Variants in MBD5 observed in about 807,000 individuals in gnomAD.
MBD5 encodes methyl-CpG-binding domain protein 5.
A neutral mutation model predicts 117.3 loss-of-function variants in MBD5; 13 were observed. The ratio of observed to expected loss-of-function variants is 0.11; its 90% CI spans 0.07 to 0.18. MBD5 has a LOEUF of 0.18. Among genes scored for constraint, MBD5 ranks in the 10% least tolerant of loss-of-function variants. MBD5 has a pLI of 1.00. For missense variants in MBD5, 1,879 were observed against 2,093.8 expected (o/e 0.90, Z 2.00); for synonymous variants, 727 against 766.4 (o/e 0.95, Z 0.85).
At chr2:148,482,250 T>C (rs1400120790) in intron 8 of MBD5, among the ~76,000 whole-genome samples, 1 of 152,066 alleles carries the variant, frequency 6.6e-6, no homozygotes, top group African/African-American at 2.4e-5. Context: ...GGCAAAGAAG[T>C]GTTAATAAGA....
chr2:148,065,734 T>C (rs1695170621), intron 1 of MBD5, among the ~76,000 whole-genome samples: 1 of 152,222 alleles, frequency 6.6e-6, no homozygotes, highest in Admixed American at 6.5e-5. Context: ...TGAAGTTTGA[T>C]ATTCTGTGAA....
chr2:148,302,156 C>G (rs1013749605), intron 3 of MBD5, among the ~76,000 whole-genome samples: 1 of 152,034 alleles, frequency 6.6e-6, no homozygotes, highest in African/African-American at 2.4e-5. Flanking sequence ...TTATAAATGG[C>G]AGATATTATG....
Position 148,483,348 on chromosome 2 carries a change from C to T in MBD5, c.2757C>T (p.Leu919=), listed in dbSNP as rs1559094961. The T allele has an allele frequency of 6.2e-7, 1 of 1,613,978 alleles. No individual in the cohort carries two copies. Among genetic ancestry groups the T allele is most frequent in the African/African-American group, 1.3e-5 (1 of 74,932 alleles). ...CACACCCCTTGAACCCCAGCCTCCT[C>T]AGTTCTCTACCTATCTCTTTGCCAG... ...HLPHPLNPSL[L]SSLPISLPVN... is the part of the protein sequence containing the mutation. Residue 919 remains leucine (L), a synonymous_variant, in exon 9 of 14, where the codon CTC becomes CTT. Coordinates refer to ENST00000642680, the MANE Select transcript of MBD5 (RefSeq NM_001378120.1).
At chr2:148,508,476 G>C (rs1234585816) in intron 12 of MBD5, among the ~76,000 whole-genome samples, 1 of 151,852 alleles carries the variant, frequency 6.6e-6, no homozygotes, top group Non-Finnish European at 1.5e-5. Context: ...GAGGGGGGAA[G>C]GTGAGGGAAA....
intron 4 of MBD5, among the ~76,000 whole-genome samples, chr2:148,445,873 C>T (rs1706491084): frequency 6.6e-6 from 1 of 151,402 alleles, no homozygotes; most frequent in Admixed American, 6.6e-5. Context: ...ATTTGCATTT[C>T]TCTAATGGCC....
chr2:148,335,231 A>G (rs972897326), intron 3 of MBD5, among the ~76,000 whole-genome samples: 1 of 152,032 alleles, frequency 6.6e-6, no homozygotes, highest in Non-Finnish European at 1.5e-5. Context: ...CTCTACAAAA[A>G]TTATCCAGGT....
chr2:148,304,344 G>A (rs1701841453), intron 3 of MBD5, among the ~76,000 whole-genome samples: 1 of 152,062 alleles, frequency 6.6e-6, no homozygotes, highest in African/African-American at 2.4e-5. Flanking sequence ...AAGTACCTGA[G>A]CCAAAATTTA....
At chr2:148,258,899 C>G (rs1202982080) in intron 3 of MBD5, among the ~76,000 whole-genome samples, 1 of 152,154 alleles carries the variant, frequency 6.6e-6, no homozygotes, top group Non-Finnish European at 1.5e-5. Flanking sequence ...TTCTGCTTCC[C>G]TGAGAGCCGC....
intron 8 of MBD5, among the ~76,000 whole-genome samples, chr2:148,478,248 A>G (rs1681033982): frequency 6.6e-6 from 1 of 152,240 alleles, no homozygotes; most frequent in Admixed American, 6.5e-5. Flanking sequence ...GCATATACAT[A>G]TATCATGAAT....
intron 5 of MBD5, among the ~76,000 whole-genome samples, chr2:148,461,984 G>A (rs764777981): frequency 6.6e-6 from 1 of 152,010 alleles, no homozygotes; most frequent in Non-Finnish European, 1.5e-5. Context: ...TGTACAGTTT[G>A]ACTCTTCAGT....
chr2:148,146,368 CT>C (rs1467205030), intron 1 of MBD5, among the ~76,000 whole-genome samples: 1 of 151,962 alleles, frequency 6.6e-6, no homozygotes, highest in Non-Finnish European at 1.5e-5. Flanking sequence ...AAGTGATCCT[CT>C]CTATAGGTGT....
rs529246999 is a variant in MBD5, at chr2:148,176,011, A to G, written c.-924-2689A>G. 3.9e-5 allele frequency among the ~76,000 whole-genome samples: 6 copies of G among 152,308 alleles called. No homozygotes were observed. The East Asian group carries it at 9.6e-4, about 24-fold the overall frequency. ...GTATTTTTAATCATTAAAGATTAATATGATTGAATTCTTTTGTGATGTAGA... is the reference window on the plus strand; with the variant it reads ...GTATTTTTAATCATTAAAGATTAATGTGATTGAATTCTTTTGTGATGTAGA... On this transcript the variant is annotated intron_variant, in intron 1 of 13. Transcript: ENST00000642680.
At position 148,468,753 on chromosome 2, in the gene MBD5, G is replaced by A; in HGVS notation, c.810G>A (p.Arg270=). ...ATTCTAGTCCTATTCACCTGAATAG[G>A]ACTCCTCTTTCTCCACCTTCAGTAA... is the stretch of plus-strand genomic sequence containing the variant. ...APNSSPIHLN[R]TPLSPPSVML... The change falls in exon 8 of 14, where the codon AGG becomes AGA. Residue 270 remains arginine, a synonymous_variant. Transcript: ENST00000642680. The A allele has an allele frequency of 6.2e-7, 1 of 1,613,892 alleles. No individual in the cohort carries two copies. Among genetic ancestry groups the A allele is most frequent in the Non-Finnish European group, 8.5e-7 (1 of 1,179,914 alleles).
At chr2:148,099,056 A>G (rs576413085) in intron 1 of MBD5, among the ~76,000 whole-genome samples, 2 of 152,264 alleles carry the variant, frequency 1.3e-5, no homozygotes, top group East Asian at 3.9e-4. Flanking sequence ...CCTCATCTCA[A>G]AAAGTAAAAA....
At chr2:148,444,469 C>T (rs1387998579) in intron 4 of MBD5, among the ~76,000 whole-genome samples, 1 of 151,272 alleles carries the variant, frequency 6.6e-6, no homozygotes, top group Non-Finnish European at 1.5e-5. Flanking sequence ...CATCACTTAT[C>T]ACATCTCAAG....
rs1553520655 is a variant in MBD5, at chr2:148,490,432, A to G, written c.4800A>G (p.Pro1600=). The change falls in exon 11 of 14, where the codon CCA becomes CCG. Residue 1600 remains proline, a synonymous_variant. Transcript: ENST00000642680. ...GTAGTGAAGATGACCTAAGGAACCC[A>G]GACTCCCCCTCTTCAAATGAATTGA... ...SISSEDDLRN[P]DSPSSNELIH... 1 of 1,614,230 alleles carries G rather than the reference A, an allele frequency of 6.2e-7. No homozygotes were observed. Among genetic ancestry groups the G allele is most frequent in the Admixed American group, 1.7e-5 (1 of 60,032 alleles).
intron 3 of MBD5, among the ~76,000 whole-genome samples, chr2:148,245,760 A>C (rs1323204243): frequency 1.3e-5 from 2 of 152,168 alleles, no homozygotes; most frequent in Non-Finnish European, 2.9e-5. Context: ...CCTTATAGCT[A>C]AGTTTATGGT....
chr2:148,296,927 T>G (rs1263005705), intron 3 of MBD5, among the ~76,000 whole-genome samples: 1 of 130,948 alleles, frequency 7.6e-6, no homozygotes, highest in African/African-American at 2.8e-5. Flanking sequence ...TACTGGAGAG[T>G]ACAGTGGCAC....
chr2:148,422,145 C>A (rs753436668), intron 4 of MBD5, among the ~76,000 whole-genome samples: 4 of 152,176 alleles, frequency 2.6e-5, no homozygotes, highest in South Asian at 2.1e-4. Flanking sequence ...TGGGAGACAC[C>A]TTTCAGTAGG....
Sources: allele counts gnomAD v4.1 joint callset (sites outside exome capture counted in the v4.1 genomes callset), GRCh38; gene constraint gnomAD v4.1.1; transcripts MANE v1.5; gene names NCBI Gene and HGNC (gene_info 2026-07-23, HGNC 2026-07-21).